GNL2: variants seen among roughly 807,000 people sequenced by gnomAD.
GNL2 encodes the protein nucleolar GTP-binding protein 2.
A neutral mutation model predicts 92.3 loss-of-function variants in GNL2; 51 were observed. The ratio of observed to expected loss-of-function variants is 0.55; its 90% CI spans 0.44 to 0.70. GNL2 has a LOEUF of 0.70. Ranked by LOEUF, GNL2 falls within the 30% of genes least tolerant of loss-of-function variation. The pLI is 0.00. For synonymous variants in GNL2, 283 were observed against 300.6 expected, an observed-to-expected ratio of 0.94 and a Z score of 0.61; for missense variants, 844 against 895.6, an observed-to-expected ratio of 0.94 and a Z score of 0.74.
chr1:37,582,037 T>C (rs987434386), intron 8 of GNL2, among the ~76,000 whole-genome samples, 186 bp downstream of exon 8: 1 of 152,092 alleles, frequency 6.6e-6, no homozygotes, highest in Non-Finnish European at 1.5e-5. Context: ...CATAGCTCAC[T>C]GTAGCCTTGA....
At chr1:37,582,724 T>C in intron 7 of GNL2, 54 bp downstream of exon 7, 1 of 1,414,682 alleles carries the variant, frequency 7.1e-7, no homozygotes, top group Non-Finnish European at 9.7e-7. Flanking sequence ...GCCCTACAAC[T>C]GACTTACTAA....
intron 5 of GNL2, among the ~76,000 whole-genome samples, chr1:37,585,867 G>A (rs911732068): frequency 2.0e-5 from 3 of 152,136 alleles, no homozygotes; most frequent in African/African-American, 4.8e-5. Flanking sequence ...TGAGATGGAC[G>A]AGAATGAGAG....
At chr1:37,577,879 G>A (rs1306501126) in intron 8 of GNL2, among the ~76,000 whole-genome samples, 1 of 152,194 alleles carries the variant, frequency 6.6e-6, no homozygotes, top group Non-Finnish European at 1.5e-5. Flanking sequence ...AATGTCACAT[G>A]TTTGAAAGTA....
In GNL2 at chr1:37,568,884, T is replaced by G. The variant is rs747501376; in HGVS notation, c.1835A>C (p.Asp612Ala). 5 of 1,614,090 alleles carry G rather than the reference T, an allele frequency of 3.1e-6. No individual in the cohort carries two copies. In the South Asian group the frequency reaches 4.4e-5, roughly 14 times the overall value. Residue 612 changes from aspartate to alanine, a missense_variant, in exon 13 of 16, where the codon GAC becomes GCC. Asp to Ala is a moderately radical substitution (Grantham distance 126). Transcript: ENST00000373062. ...EKIAKYQKFL[D>A]KAKAKKFSAV... is the part of the protein sequence containing the mutation. ...TGAAAACTTTTTGGCTTTGGCTTTG[T>G]CTAGAAACTTCTGATATTTGGCAAT...
At chr1:37,567,610 G>T in intron 15 of GNL2, 63 bp downstream of exon 15, 1 of 1,079,416 alleles carries the variant, frequency 9.3e-7, no homozygotes, top group Non-Finnish European at 1.4e-6. Context: ...TGTTTCAGTG[G>T]GTCTTGACAA....
rs114341839 is a variant in GNL2 at position 37,579,116 on chromosome 1, G to A, written c.910-2560C>T. ...AATGCAGACAGGAAAATTTCAAAACGTCATTAATGATACTGTGACTGTGAA... is the reference window on the plus strand; with the variant it reads ...AATGCAGACAGGAAAATTTCAAAACATCATTAATGATACTGTGACTGTGAA... On this transcript the variant is annotated intron_variant, in intron 8 of 15. Coordinates refer to ENST00000373062, the MANE Select transcript of GNL2 (RefSeq NM_013285.3). 5.3e-3 allele frequency among the ~76,000 whole-genome samples: 803 copies of A among 152,204 alleles called. 4 individuals are homozygous for A. Among genetic ancestry groups the A allele is most frequent in the African/African-American group, 0.018 (737 of 41,510 alleles).
intron 4 of GNL2, among the ~76,000 whole-genome samples, chr1:37,588,366 T>C (rs113256472): frequency 3.9e-4 from 60 of 152,240 alleles, no homozygotes; most frequent in African/African-American, 1.4e-3. Flanking sequence ...CAGCAGCCCC[T>C]GTGGTTTCTG....
Position 37,576,456 on chromosome 1 carries a change from T to C in GNL2, c.1010A>G (p.Asn337Ser). The change falls in exon 9 of 16, where the codon AAC becomes AGC. Residue 337 changes from asparagine (N) to serine (S), a missense_variant. Asn to Ser is a conservative substitution (Grantham distance 46). Coordinates refer to ENST00000373062, the MANE Select transcript of GNL2 (RefSeq NM_013285.3). ...TGTTTCACCTGCAATGGGAGCCACG[T>C]TGCAAACTTTCTTAGAACGCAATGT... ...INTLRSKKVC[N>S]VAPIAGETKV... 6.2e-7 allele frequency: 1 copy of C among 1,614,098 alleles called. No homozygotes were observed. Among genetic ancestry groups the C allele is most frequent in the East Asian group, 2.2e-5 (1 of 44,886 alleles).
rs563259480 is a variant in GNL2 at position 37,575,859 on chromosome 1, G to A, written c.1039-160C>T. Among the ~76,000 whole-genome samples, 4 of 152,284 alleles carry A rather than the reference G, an allele frequency of 2.6e-5. No homozygotes were observed. The highest frequency in any genetic ancestry group is 5.9e-5 in the Non-Finnish European group (4 of 68,030). ...AGCTACTAACTCTCTCATCTGTGCCGTGCACAAGATACTTCCACTAAGTGT... is the reference window on the plus strand; with the variant it reads ...AGCTACTAACTCTCTCATCTGTGCCATGCACAAGATACTTCCACTAAGTGT... On this transcript the variant is annotated intron_variant, in intron 9 of 15. Transcript: ENST00000373062. The surrounding 1 kb of genome is among the most constrained non-coding windows in gnomAD (Gnocchi z 4.1).
At chr1:37,578,613 A>G (rs1198708794) in intron 8 of GNL2, among the ~76,000 whole-genome samples, 1 of 151,682 alleles carries the variant, frequency 6.6e-6, no homozygotes, top group Non-Finnish European at 1.5e-5. Context: ...GCTGAAGTAC[A>G]GCGACACAAT....
At position 37,595,793 on chromosome 1, in the gene GNL2, G is replaced by C. The variant is rs1643919691; in HGVS notation, c.30C>G (p.Ser10Arg). 6.2e-7 allele frequency: 1 copy of C among 1,614,176 alleles called. No individual in the cohort carries two copies. Among genetic ancestry groups the C allele is most frequent in the South Asian group, 1.1e-5 (1 of 91,086 alleles). MVKPKYKGR[S>R]TINPSKASTN... ...TGCTGGCCTTGGACGGGTTGATGGTGCTCCGTCCTTTGTACTTGGGCTTCA... is the reference window on the plus strand; with the variant it reads ...TGCTGGCCTTGGACGGGTTGATGGTCCTCCGTCCTTTGTACTTGGGCTTCA... The change falls in exon 1 of 16, where the codon AGC becomes AGG. Residue 10 changes from serine (S) to arginine (R), a missense_variant. Coordinates refer to ENST00000373062, the MANE Select transcript of GNL2 (RefSeq NM_013285.3).
chr1:37,575,702 G>A lies in GNL2; in HGVS notation c.1039-3C>T. 1 of 1,580,218 alleles carries A rather than the reference G, an allele frequency of 6.3e-7. No homozygotes were observed. Among genetic ancestry groups the A allele is most frequent in the Non-Finnish European group, 8.6e-7 (1 of 1,163,702 alleles). On this transcript the variant is annotated splice_polypyrimidine_tract_variant and splice_region_variant and intron_variant, in intron 9 of 15. Transcript: ENST00000373062. The surrounding 1 kb of genome is among the most constrained non-coding windows in gnomAD (Gnocchi z 4.1). ...ATCAAAGTAATATACTGCCAGACCT[G>A]AAGTCAGAAAAAAGTCAGAGATGTC...
intron 4 of GNL2, among the ~76,000 whole-genome samples, chr1:37,588,188 T>C (rs1395929005): frequency 6.6e-6 from 1 of 151,974 alleles, no homozygotes; most frequent in East Asian, 1.9e-4. Flanking sequence ...GATGTGCCTG[T>C]AAAGGAGTTA....
chr1:37,568,501 C>CAT, intron 13 of GNL2, 144 bp from the exon 14 acceptor site: 1 of 625,816 alleles, frequency 1.6e-6, no homozygotes, highest in Admixed American at 2.9e-5. Context: ...CAACATCCAA[C>CAT]ATGTTTGTAC....
At chr1:37,573,464 G>C (rs1643626597) in intron 12 of GNL2, among the ~76,000 whole-genome samples, 2 of 152,214 alleles carry the variant, frequency 1.3e-5, no homozygotes, top group South Asian at 4.1e-4. Flanking sequence ...AGGGAAATGG[G>C]GATAGTAGGA....
Position 37,580,640 on chromosome 1 carries a change from C to T in GNL2, c.909+1583G>A, listed in dbSNP as rs118172949. ...ACAGTGAAAGGAAATCCCAGAAAGA[C>T]GACGCTGCAGCAGCCTGGAGAGCGG... On this transcript the variant is annotated intron_variant, in intron 8 of 15. Transcript: ENST00000373062. Among the ~76,000 whole-genome samples, 1,207 of 152,262 alleles carry T rather than the reference C, an allele frequency of 7.9e-3. 8 individuals are homozygous for T. The highest frequency in any genetic ancestry group is 0.038 in the East Asian group (196 of 5,178).
intron 8 of GNL2, chr1:37,581,478 C>T (rs1461811514): frequency 2.2e-6 from 1 of 456,044 alleles, no homozygotes. Flanking sequence ...GCTGCATGGG[C>T]TCCATGGGCA....
At chr1:37,586,027 C>T (rs767923662) in intron 5 of GNL2, among the ~76,000 whole-genome samples, 12 of 152,212 alleles carry the variant, frequency 7.9e-5, no homozygotes, top group Admixed American at 5.9e-4. Flanking sequence ...GAAAAAGATG[C>T]GGTCACATTG....
chr1:37,572,697 T>C (rs1422430178), intron 12 of GNL2, among the ~76,000 whole-genome samples: 1 of 152,160 alleles, frequency 6.6e-6, no homozygotes, highest in Non-Finnish European at 1.5e-5. Flanking sequence ...CATAAACCGT[T>C]AATTGTAAAC....
Sources: gnomAD v4.1 joint callset for allele counts (sites outside exome capture counted in the v4.1 genomes callset) on GRCh38, gnomAD v4.1.1 for gene constraint, Gnocchi (gnomAD v3.1) non-coding constraint, MANE v1.5 for transcripts, NCBI Gene and HGNC (gene_info 2026-07-23, HGNC 2026-07-21) for gene names.